The following RBMS3 variants were observed in gnomAD, a reference collection of about 807,000 sequenced individuals.
RBMS3 encodes the protein RNA binding motif single stranded interacting protein 3.
Under a neutral mutation model 66.8 loss-of-function variants are expected in RBMS3, and 27 were observed. That is an observed-to-expected ratio of 0.40 (90% CI 0.30 to 0.56). The LOEUF is 0.56. Among genes scored for constraint, RBMS3 ranks in the 20% least tolerant of loss-of-function variants. The probability of loss-of-function intolerance (pLI) is 0.40; values close to 1 mark genes in which losing one functional copy is unlikely to be tolerated. For synonymous variants in RBMS3, 188 were observed against 183.0 expected (o/e 1.03, Z -0.22); for missense variants, 513 against 549.5 (o/e 0.93, Z 0.66).
chr3:29,846,452 A>G (rs2058779795), intron 6 of RBMS3, among the ~76,000 whole-genome samples: 1 of 152,166 alleles, frequency 6.6e-6, no homozygotes, highest in South Asian at 2.1e-4. Flanking sequence ...GGATATCAAG[A>G]GACATACTTT....
intron 6 of RBMS3, among the ~76,000 whole-genome samples, chr3:29,853,604 T>C (rs35173747): frequency 0.41 from 61,679 of 151,590 alleles, 13,070 homozygotes; most frequent in African/African-American, 0.51. Flanking sequence ...ACTTCTTTAC[T>C]TCCTGTTTTT....
intron 1 of RBMS3, among the ~76,000 whole-genome samples, chr3:29,402,307 A>G (rs1040592019): frequency 1.3e-5 from 2 of 152,098 alleles, no homozygotes; most frequent in African/African-American, 4.8e-5. Flanking sequence ...ACTCCAACAA[A>G]ACCATGATAT....
intron 6 of RBMS3, among the ~76,000 whole-genome samples, chr3:29,845,429 A>T (rs1282630128): frequency 6.6e-6 from 1 of 152,188 alleles, no homozygotes; most frequent in African/African-American, 2.4e-5. Context: ...CATTGCTATC[A>T]TGCATTTATA....
intron 1 of RBMS3, among the ~76,000 whole-genome samples, chr3:29,423,933 C>A (rs1468539659): frequency 6.6e-6 from 1 of 152,108 alleles, no homozygotes; most frequent in Non-Finnish European, 1.5e-5. Context: ...AGTCGTTTAA[C>A]CTCCCTAAGT....
chr3:29,569,564 A>G (rs2149064098), intron 3 of RBMS3, among the ~76,000 whole-genome samples: 1 of 152,284 alleles, frequency 6.6e-6, no homozygotes, highest in South Asian at 2.1e-4. Context: ...ATATTTCCAA[A>G]AATCCTTTGA....
At chr3:29,909,574 C>A (rs2060467437) in intron 10 of RBMS3, among the ~76,000 whole-genome samples, 1 of 152,026 alleles carries the variant, frequency 6.6e-6, no homozygotes, top group African/African-American at 2.4e-5. Flanking sequence ...AGTCTAGAAT[C>A]TTTTGAAATA....
At chr3:29,957,798 A>G (rs532401195) in intron 12 of RBMS3, among the ~76,000 whole-genome samples, 2 of 152,264 alleles carry the variant, frequency 1.3e-5, no homozygotes, top group Non-Finnish European at 2.9e-5. Flanking sequence ...TTCATCGCCA[A>G]GATACCTCAC....
At chr3:29,746,893 C>T (rs184734705) in intron 5 of RBMS3, among the ~76,000 whole-genome samples, 24 of 152,100 alleles carry the variant, frequency 1.6e-4, no homozygotes, top group African/African-American at 5.5e-4. Flanking sequence ...GAAATAATGC[C>T]CTCTGTGAAA....
At chr3:29,876,862 C>A (rs556762713) in intron 7 of RBMS3, among the ~76,000 whole-genome samples, 1 of 151,850 alleles carries the variant, frequency 6.6e-6, no homozygotes, top group Non-Finnish European at 1.5e-5. Context: ...CCAACAGGTA[C>A]AAAGGCACTT....
chr3:29,678,617 T>A (rs986982880), intron 4 of RBMS3, among the ~76,000 whole-genome samples: 5 of 152,144 alleles, frequency 3.3e-5, no homozygotes, highest in African/African-American at 1.2e-4. Flanking sequence ...ATCTCAGGGA[T>A]TGATGCCATA....
At chr3:29,619,489 C>G (rs1259771633) in intron 4 of RBMS3, among the ~76,000 whole-genome samples, 1 of 152,016 alleles carries the variant, frequency 6.6e-6, no homozygotes, top group Non-Finnish European at 1.5e-5. Context: ...TGGATATAGG[C>G]ATGTAGTTGG....
intron 1 of RBMS3, among the ~76,000 whole-genome samples, chr3:29,338,823 A>G (rs2036113663): frequency 6.6e-6 from 1 of 152,058 alleles, no homozygotes; most frequent in South Asian, 2.1e-4. Flanking sequence ...CTTAAGAACC[A>G]CCGTATCAGC....
At chr3:29,474,050 C>A (rs1307809028) in intron 2 of RBMS3, among the ~76,000 whole-genome samples, 4 of 152,262 alleles carry the variant, frequency 2.6e-5, no homozygotes, top group Non-Finnish European at 5.9e-5. Flanking sequence ...GGGCTGCCAG[C>A]ACGCTGTCAC....
chr3:29,472,352 C>T (rs920623639), intron 2 of RBMS3, among the ~76,000 whole-genome samples: 1 of 152,050 alleles, frequency 6.6e-6, no homozygotes, highest in African/African-American at 2.4e-5. Flanking sequence ...CCCGCCATCA[C>T]GCCCAGCTAA....
intron 4 of RBMS3, among the ~76,000 whole-genome samples, chr3:29,621,798 T>C (rs2048874339): frequency 6.6e-6 from 1 of 152,058 alleles, no homozygotes; most frequent in Non-Finnish European, 1.5e-5. Context: ...AAAAAAAGTT[T>C]CTCAGGTAAC....
In RBMS3 at chr3:29,570,377, T is replaced by G. The variant is rs565152033; in HGVS notation, c.308-16737T>G. On this transcript the variant is annotated intron_variant, in intron 3 of 14. Coordinates refer to ENST00000383767, the MANE Select transcript of RBMS3 (RefSeq NM_001003793.3). ...AAATGTACAATTAAATTATTTTGAC[T>G]GTAGTCACCCTGTTGTGCTATCAAA... Among the ~76,000 whole-genome samples the G allele has an allele frequency of 2.0e-5, 3 of 152,270 alleles. No homozygotes were observed. The East Asian group carries it at 5.8e-4, about 29-fold the overall frequency.
intron 4 of RBMS3, among the ~76,000 whole-genome samples, chr3:29,655,410 T>C (rs992768623): frequency 1.3e-5 from 2 of 152,242 alleles, no homozygotes; most frequent in African/African-American, 4.8e-5. Flanking sequence ...ACTTTAGTCA[T>C]GCACCACATA....
intron 3 of RBMS3, among the ~76,000 whole-genome samples, chr3:29,520,382 A>C (rs1025101511): frequency 3.3e-5 from 5 of 152,208 alleles, no homozygotes; most frequent in African/African-American, 1.2e-4. Context: ...GGATACTAGA[A>C]AATTTGAAAT....
chr3:29,813,531 C>T (rs937011390), intron 6 of RBMS3, among the ~76,000 whole-genome samples: 77 of 152,162 alleles, frequency 5.1e-4, no homozygotes, highest in Middle Eastern at 3.4e-3. Context: ...TCATTGGTAG[C>T]TTGATGGGGA....
Sources: allele counts gnomAD v4.1 joint callset (sites outside exome capture counted in the v4.1 genomes callset), GRCh38; gene constraint gnomAD v4.1.1; transcripts MANE v1.5; gene names NCBI Gene and HGNC (gene_info 2026-07-23, HGNC 2026-07-21).